Variants in ZNF343 observed in about 807,000 individuals in gnomAD.
The protein encoded by ZNF343 is zinc finger protein 343.
A neutral mutation model predicts 13.8 loss-of-function variants in ZNF343; 11 were observed. That is an observed-to-expected ratio of 0.80 (90% CI 0.50 to 1.32). The LOEUF is 1.32. Among genes scored for constraint, ZNF343 ranks in the 40% most tolerant of loss-of-function variants. The pLI is 0.00. For synonymous variants in ZNF343, 248 were observed against 260.0 expected (o/e 0.95, Z 0.44); for missense variants, 658 against 714.2 (o/e 0.92, Z 0.90).
intron 1 of ZNF343, among the ~76,000 whole-genome samples, chr20:2,506,271 C>T (rs1462728586): frequency 6.6e-6 from 1 of 152,006 alleles, no homozygotes; most frequent in Non-Finnish European, 1.5e-5. Context: ...GTTAGAATGG[C>T]GATCATTAAA....
rs191606081 is a variant in ZNF343, at chr20:2,520,788, G to T, written c.-347+3667C>A. On this transcript the variant is annotated intron_variant, in intron 1 of 6. Transcript: ENST00000358413. ...CGAAAAGTGGTGACTCACACCATAG[G>T]CAAGTGGCAGATATTCAGCCTCTGG... 7.9e-5 allele frequency among the ~76,000 whole-genome samples: 12 copies of T among 152,284 alleles called. No homozygotes were observed. In the East Asian group the frequency reaches 2.3e-3, roughly 29 times the overall value.
rs2085794675 is a variant in ZNF343 at position 2,524,130 on chromosome 20, G to A, written c.-347+325C>T. ...AGCCCAGGAGTTCAAGACCAGACTG[G>A]GCAACATAGTAAGACCCTGTCTCTC... On this transcript the variant is annotated intron_variant, in intron 1 of 6. Coordinates refer to the ZNF343 transcript ENST00000358413. Among the ~76,000 whole-genome samples, 4 of 152,006 alleles carry A rather than the reference G, an allele frequency of 2.6e-5. No homozygotes were observed. In the South Asian group the frequency reaches 6.2e-4, roughly 24 times the overall value.
chr20:2,507,107 A>C (rs1367089572), intron 1 of ZNF343, among the ~76,000 whole-genome samples: 1 of 152,036 alleles, frequency 6.6e-6, no homozygotes, highest in Admixed American at 6.5e-5. Flanking sequence ...TCTACTAAAA[A>C]TACAAAATTA....
In ZNF343 at chr20:2,483,214, C is replaced by A; in HGVS notation, c.1747G>T (p.Gly583Trp). 2 of 1,611,346 alleles carry A rather than the reference C, an allele frequency of 1.2e-6. No individual in the cohort carries two copies. The highest frequency in any genetic ancestry group is 1.7e-6 in the Non-Finnish European group (2 of 1,178,946). ...TTTGACTTATGACTAAAGCCTCGCC[C>A]ACACTCCCTACAAACATAATGCTTC... The part of the protein sequence containing the change: ...GEKHYVCREC[G>W]RGFSHKSNLI... The change falls in exon 6 of 6, where the codon GGG (glycine) becomes TGG (tryptophan). Residue 583 changes from glycine (G) to tryptophan (W), a missense_variant. By Grantham distance (184) the Gly-to-Trp change is radical (BLOSUM62 -2). Coordinates refer to ENST00000278772, the MANE Select transcript of ZNF343 (RefSeq NM_024325.6).
intron 1 of ZNF343, among the ~76,000 whole-genome samples, chr20:2,502,707 A>C (rs2085589928): frequency 6.6e-6 from 1 of 152,234 alleles, no homozygotes; most frequent in Non-Finnish European, 1.5e-5. Context: ...ATATCCAGCC[A>C]AACTAAGCTT....
In ZNF343 at chr20:2,514,706, G is replaced by A. The variant is rs1201435352; in HGVS notation, c.-347+9749C>T. 2.0e-5 allele frequency among the ~76,000 whole-genome samples: 3 copies of A among 152,240 alleles called. No homozygotes were observed. The East Asian group carries it at 5.8e-4, about 29-fold the overall frequency. On this transcript the variant is annotated intron_variant, in intron 1 of 6. Transcript: ENST00000358413. ...TGAATTAGAAGCCAAAGCAGGCCAG[G>A]CATGGTGGCTCACGTCTGTAGTTCC...
rs772859913 is a variant in ZNF343 at position 2,484,431 on chromosome 20, G to A, written c.530C>T (p.Ser177Phe). Residue 177 changes from serine to phenylalanine, a missense_variant, in exon 6 of 6, where the codon TCC becomes TTC. Ser to Phe is a radical substitution (Grantham distance 155). Coordinates refer to ENST00000278772, the MANE Select transcript of ZNF343 (RefSeq NM_024325.6). ...CTCTGTCCTTGCAGACCAGGGTTTGGAGCCACCTCCTCTCTCCTGACCTTC... is the reference window on the plus strand; with the variant it reads ...CTCTGTCCTTGCAGACCAGGGTTTGAAGCCACCTCCTCTCTCCTGACCTTC... ...NAEGQERGGG[S>F]KPWSARTEER... 1.1e-5 allele frequency: 17 copies of A among 1,614,052 alleles called. No homozygotes were observed. The highest frequency in any genetic ancestry group is 3.3e-4 in the Middle Eastern group (2 of 6,082).
chr20:2,522,526 C>T (rs938557922), intron 1 of ZNF343, among the ~76,000 whole-genome samples: 4 of 152,162 alleles, frequency 2.6e-5, no homozygotes, highest in Non-Finnish European at 4.4e-5. Flanking sequence ...CCAGTTTGTT[C>T]GTCTGTCTTT....
At chr20:2,507,213 G>A (rs1319738092) in intron 1 of ZNF343, among the ~76,000 whole-genome samples, 17 of 148,854 alleles carry the variant, frequency 1.1e-4, no homozygotes, top group African/African-American at 1.7e-4. Flanking sequence ...GCGGTGAGCC[G>A]AGATCGCGCC....
chr20:2,483,164 G>T lies in ZNF343; in HGVS notation c.1797C>A (p.His599Gln). Residue 599 changes from histidine (H) to glutamine (Q), a missense_variant, in exon 6 of 6, where the codon CAC becomes CAA. Coordinates refer to ENST00000278772, the MANE Select transcript of ZNF343 (RefSeq NM_024325.6). ...KSNLIRHQRT[H>Q] Reference sequence around the variant, plus strand: ...CTGCATACACAGGTTTCTCCCGTCAGTGTGTCCTCTGGTGTCTGATGAGAT... The same window carrying T: ...CTGCATACACAGGTTTCTCCCGTCATTGTGTCCTCTGGTGTCTGATGAGAT... The T allele has an allele frequency of 2.5e-6, 4 of 1,604,232 alleles. No homozygotes were observed. Among genetic ancestry groups the T allele is most frequent in the Non-Finnish European group, 3.4e-6 (4 of 1,174,654 alleles).
At chr20:2,492,886 G>A in intron 4 of ZNF343, 61 bp from the exon 5 acceptor site, 3 of 1,600,592 alleles carry the variant, frequency 1.9e-6, no homozygotes, top group Non-Finnish European at 2.5e-6. Context: ...TGTGTGTGGA[G>A]CACAGCTGGT....
chr20:2,488,067 T>A (rs2085309770), intron 5 of ZNF343, among the ~76,000 whole-genome samples: 1 of 152,270 alleles, frequency 6.6e-6, no homozygotes, highest in Admixed American at 6.5e-5. Context: ...ACTCTTTATA[T>A]GTGATATACT....
At position 2,482,867 on chromosome 20, in the gene ZNF343, T is replaced by C. The variant is rs1409137504; in HGVS notation, c.*294A>G. On this transcript the variant is annotated 3_prime_UTR_variant, in exon 6 of 6. Coordinates refer to ENST00000278772, the MANE Select transcript of ZNF343 (RefSeq NM_024325.6). ...CTGTCATTGGATGTCTGGTAAATGT[T>C]GATTATTGCTAAAGCCTTCCCACAG... The C allele has an allele frequency of 5.3e-6, 2 of 374,420 alleles. No individual in the cohort carries two copies. The highest frequency in any genetic ancestry group is 4.2e-5 in the Admixed American group (1 of 23,836). 23.2% of individuals were successfully genotyped at this position (374,420 alleles called of 1,614,324 possible). A position where few individuals can be genotyped will look rare whatever the true frequency, so the allele number is the denominator to read the frequency against.
chr20:2,490,034 G>A (rs935642062), intron 5 of ZNF343, among the ~76,000 whole-genome samples: 6 of 151,830 alleles, frequency 4.0e-5, no homozygotes, highest in African/African-American at 1.5e-4. Context: ...AAAGGAAAGG[G>A]GAAGGGGGAA....
intron 2 of ZNF343, among the ~76,000 whole-genome samples, chr20:2,499,674 A>G (rs908850620): frequency 2.6e-5 from 4 of 151,962 alleles, no homozygotes; most frequent in African/African-American, 9.7e-5. Context: ...AATTGAGAGG[A>G]CTCCATCACT....
At chr20:2,504,636 G>A (rs1453692609) in intron 1 of ZNF343, among the ~76,000 whole-genome samples, 2 of 152,148 alleles carry the variant, frequency 1.3e-5, no homozygotes, top group East Asian at 1.9e-4. Context: ...GGGATGCAAG[G>A]CTGGTTCAAC....
intron 2 of ZNF343, among the ~76,000 whole-genome samples, chr20:2,494,412 G>GGGGC (rs2085423287): frequency 6.6e-6 from 1 of 152,022 alleles, no homozygotes; most frequent in African/African-American, 2.4e-5. Flanking sequence ...TAGACCAACT[G>GGGGC]GGGCGTGCAG....
At chr20:2,510,849 T>G (rs959849235), upstream of ZNF343, among the ~76,000 whole-genome samples, 1 of 152,148 alleles carries the variant, frequency 6.6e-6, no homozygotes, top group African/African-American at 2.4e-5. Flanking sequence ...GGGGTTTGTA[T>G]AGCAGGGAAG....
intron 1 of ZNF343, among the ~76,000 whole-genome samples, chr20:2,506,624 G>T (rs1456698382): frequency 2.6e-5 from 4 of 152,176 alleles, no homozygotes; most frequent in African/African-American, 9.7e-5. Flanking sequence ...CATAAAAAAT[G>T]ATGAGTTCAT....
Sources: gnomAD v4.1 joint callset for allele counts (sites outside exome capture counted in the v4.1 genomes callset) on GRCh38, gnomAD v4.1.1 for gene constraint, MANE v1.5 for transcripts, NCBI Gene and HGNC (gene_info 2026-07-23, HGNC 2026-07-21) for gene names.